ZNF713: variants seen among roughly 807,000 people sequenced by gnomAD.
The protein encoded by ZNF713 is zinc finger protein 713.
Under a neutral mutation model 28.7 loss-of-function variants are expected in ZNF713, and 21 were observed. The observed-to-expected ratio is 0.73, with a 90% CI of 0.52 to 1.05. ZNF713 has a LOEUF of 1.05. Ranked by LOEUF, ZNF713 falls within the 50% of genes least tolerant of loss-of-function variation. ZNF713 has a pLI of 0.00. For synonymous variants in ZNF713, 167 were observed against 178.0 expected (o/e 0.94, Z 0.49); for missense variants, 458 against 532.4 (o/e 0.86, Z 1.37).
intron 6 of ZNF713, among the ~76,000 whole-genome samples, chr7:55,933,150 T>C (rs1005110405): frequency 2.6e-5 from 4 of 151,006 alleles, no homozygotes; most frequent in African/African-American, 9.7e-5. Flanking sequence ...GGCAGGAGAA[T>C]AATTTAAACC....
At chr7:55,928,969 C>CA (rs35152322) in intron 6 of ZNF713, among the ~76,000 whole-genome samples, 22,552 of 119,142 alleles carry the variant, frequency 0.19, 2,136 homozygotes, top group Non-Finnish European at 0.23. Flanking sequence ...CCATTTCTAC[C>CA]AAAAAAAAAA....
chr7:55,904,843 C>T (rs1785649700), intron 1 of ZNF713, among the ~76,000 whole-genome samples: 1 of 152,192 alleles, frequency 6.6e-6, no homozygotes, highest in Non-Finnish European at 1.5e-5. Flanking sequence ...TCTTGTGCCT[C>T]AGCCTCCCAA....
chr7:55,929,158 A>G (rs953010365), intron 6 of ZNF713, among the ~76,000 whole-genome samples: 2 of 152,124 alleles, frequency 1.3e-5, no homozygotes, highest in Non-Finnish European at 2.9e-5. Context: ...CGTGCCTACA[A>G]GAGTTTGAGG....
intron 1 of ZNF713, among the ~76,000 whole-genome samples, chr7:55,899,482 C>T (rs1027810319): frequency 2.1e-5 from 3 of 143,020 alleles, no homozygotes; most frequent in South Asian, 4.5e-4. Flanking sequence ...ACCAGCCTGG[C>T]CAAGATGGCG....
intron 6 of ZNF713, among the ~76,000 whole-genome samples, chr7:55,928,590 G>A (rs558022191): frequency 1.2e-4 from 19 of 152,290 alleles, no homozygotes; most frequent in Admixed American, 3.9e-4. Context: ...TAAGTAGACT[G>A]TTGAAGGTGG....
chr7:55,907,657 A>G (rs1362185190), intron 2 of ZNF713, among the ~76,000 whole-genome samples: 1 of 151,940 alleles, frequency 6.6e-6, no homozygotes, highest in East Asian at 1.9e-4. Flanking sequence ...TCCCCTCTGT[A>G]TGTCTACATG....
At chr7:55,900,474 A>C (rs1785555774) in intron 1 of ZNF713, among the ~76,000 whole-genome samples, 1 of 152,140 alleles carries the variant, frequency 6.6e-6, no homozygotes, top group African/African-American at 2.4e-5. Flanking sequence ...TTTCAAAAAA[A>C]AAAAATGTGG....
In ZNF713 at chr7:55,940,151, C is replaced by T; in HGVS notation, c.*145C>T. The stretch of plus-strand genomic sequence containing the variant: ...TTTTGTTTTGTTTTTGAGACTGAGT[C>T]TCACTCTGTCACCCAGGCTGAAGTG... On this transcript the variant is annotated 3_prime_UTR_variant, in exon 7 of 7. Transcript: ENST00000429591. 1.5e-6 allele frequency: 2 copies of T among 1,329,290 alleles called. No homozygotes were observed. Among genetic ancestry groups the T allele is most frequent in the Non-Finnish European group, 2.0e-6 (2 of 1,013,742 alleles). The allele number at this position is 1,329,290 out of a possible 1,614,324, so 82.3% of individuals were successfully genotyped here.
At chr7:55,891,564 G>A (rs1016796042) in intron 1 of ZNF713, among the ~76,000 whole-genome samples, 1 of 151,998 alleles carries the variant, frequency 6.6e-6, no homozygotes, top group African/African-American at 2.4e-5. Flanking sequence ...GTGGTGGTGC[G>A]CACCTGTGGT....
chr7:55,940,046 A>G lies in ZNF713; in HGVS notation c.*40A>G. 1.3e-6 allele frequency: 2 copies of G among 1,513,596 alleles called. No homozygotes were observed. Among genetic ancestry groups the G allele is most frequent in the Non-Finnish European group, 1.8e-6 (2 of 1,133,646 alleles). 93.8% of individuals were successfully genotyped at this position (1,513,596 alleles called of 1,614,324 possible). ...AATCAGATAAATATATAAATGTAGG[A>G]GATTTTTTGGTCAGACCTTTTTATC... On this transcript the variant is annotated 3_prime_UTR_variant, in exon 7 of 7. Transcript: ENST00000429591.
intron 1 of ZNF713, among the ~76,000 whole-genome samples, chr7:55,895,818 C>T (rs1456784881): frequency 6.6e-6 from 1 of 152,114 alleles, no homozygotes; most frequent in Non-Finnish European, 1.5e-5. Flanking sequence ...CCTTAATCCT[C>T]ACAACAAACC....
At chr7:55,889,505 A>T (rs753331154) in intron 1 of ZNF713, among the ~76,000 whole-genome samples, 43 of 152,262 alleles carry the variant, frequency 2.8e-4, no homozygotes, top group Non-Finnish European at 5.7e-4. Flanking sequence ...AGTAGGTTGT[A>T]GCAATTAGTA....
intron 4 of ZNF713, among the ~76,000 whole-genome samples, chr7:55,915,541 T>A (rs1280322983): frequency 6.6e-6 from 1 of 152,118 alleles, no homozygotes; most frequent in African/African-American, 2.4e-5. Flanking sequence ...GAATACACAT[T>A]AGGGAATCAG....
rs1584323545 is a variant in ZNF713, at chr7:55,939,937, T to G, written c.1263T>G (p.Thr421=). ...AHLNQHRKIH[T]REKLCEYKCE... ...TTAATCAACACAGGAAAATCCATACTCGGGAGAAATTATGTGAATATAAAT... is the reference window on the plus strand; with the variant it reads ...TTAATCAACACAGGAAAATCCATACGCGGGAGAAATTATGTGAATATAAAT... The change falls in exon 7 of 7, where the codon ACT becomes ACG. Residue 421 remains threonine, a synonymous_variant. Coordinates refer to ENST00000429591, the MANE Select transcript of ZNF713 (RefSeq NM_182633.3). 6.2e-7 allele frequency: 1 copy of G among 1,613,092 alleles called. No homozygotes were observed. The highest frequency in any genetic ancestry group is 1.7e-5 in the Admixed American group (1 of 59,892).
At chr7:55,907,964 T>C (rs533437241) in intron 2 of ZNF713, among the ~76,000 whole-genome samples, 1 of 152,182 alleles carries the variant, frequency 6.6e-6, no homozygotes, top group African/African-American at 2.4e-5. Flanking sequence ...TATTTATCTC[T>C]GGATAGGTAC....
chr7:55,888,529 T>C (rs1420619144), intron 1 of ZNF713, among the ~76,000 whole-genome samples: 1 of 152,114 alleles, frequency 6.6e-6, no homozygotes, highest in Non-Finnish European at 1.5e-5. Context: ...ACCACAGGTG[T>C]GCACCACCAC....
chr7:55,927,439 C>T (rs568463783), intron 6 of ZNF713, among the ~76,000 whole-genome samples: 3 of 152,132 alleles, frequency 2.0e-5, no homozygotes, highest in Admixed American at 6.5e-5. Context: ...GGGAGGATCA[C>T]TTGAGCCTAG....
intron 4 of ZNF713, among the ~76,000 whole-genome samples, chr7:55,914,260 G>C (rs374462895): frequency 6.6e-6 from 1 of 152,016 alleles, no homozygotes; most frequent in African/African-American, 2.4e-5. Flanking sequence ...ATCAGATACC[G>C]GTCTCAATTG....
At chr7:55,901,074 A>G (rs180871325) in intron 1 of ZNF713, among the ~76,000 whole-genome samples, 7 of 152,356 alleles carry the variant, frequency 4.6e-5, no homozygotes, top group African/African-American at 1.4e-4. Context: ...ATAATTGGCT[A>G]TTCCACAATG....
Sources: gnomAD v4.1 joint callset for allele counts (sites outside exome capture counted in the v4.1 genomes callset) on GRCh38, gnomAD v4.1.1 for gene constraint, MANE v1.5 for transcripts, NCBI Gene and HGNC (gene_info 2026-07-23, HGNC 2026-07-21) for gene names.